UNC45B: variants seen among roughly 807,000 people sequenced by gnomAD.
UNC45B encodes the protein protein unc-45 homolog B.
Under a neutral mutation model 98.7 loss-of-function variants are expected in UNC45B, and 78 were observed. The observed-to-expected ratio is 0.79, with a 90% CI of 0.66 to 0.95. The LOEUF is 0.95. UNC45B is among the 40% of genes least tolerant of loss of function. UNC45B has a pLI of 0.00. For missense variants in UNC45B, 1,225 were observed against 1,184.9 expected (o/e 1.03, Z -0.50); for synonymous variants, 462 against 480.4 (o/e 0.96, Z 0.50).
Position 35,168,051 on chromosome 17 carries a change from T to C in UNC45B, c.1152-10T>C. 2.0e-6 allele frequency: 3 copies of C among 1,480,108 alleles called. No individual in the cohort carries two copies. Among genetic ancestry groups the C allele is most frequent in the Non-Finnish European group, 9.0e-7 (1 of 1,110,240 alleles). The allele number at this position is 1,480,108 out of a possible 1,614,324, so 91.7% of individuals were successfully genotyped here. ...CCAGTTCTCTTGACCACCCTTGTCC[T>C]TTGTTTTAGGGGCAAGTTTGACCCC... is the stretch of plus-strand genomic sequence containing the variant. On this transcript the variant is annotated splice_polypyrimidine_tract_variant and intron_variant, in intron 9 of 19. Transcript: ENST00000394570.
chr17:35,185,322 T>A (rs1351581560), intron 19 of UNC45B, among the ~76,000 whole-genome samples: 1 of 152,056 alleles, frequency 6.6e-6, no homozygotes, highest in Non-Finnish European at 1.5e-5. Context: ...TTTTATTTTT[T>A]TTTGAGACAC....
At position 35,183,456 on chromosome 17, in the gene UNC45B, T is replaced by C; in HGVS notation, c.2403T>C (p.Asn801=). 1 of 1,598,292 alleles carries C rather than the reference T, an allele frequency of 6.3e-7. No individual in the cohort carries two copies. The highest frequency in any genetic ancestry group is 8.5e-7 in the Non-Finnish European group (1 of 1,172,110). Residue 801 remains asparagine (N), a synonymous_variant, in exon 19 of 20, where the codon AAT becomes AAC. Coordinates refer to ENST00000394570, the MANE Select transcript of UNC45B (RefSeq NM_001267052.2). ...EVQERFLADG[N]DRLKLVVLLC... Reference sequence around the variant, plus strand: ...AGGAAAGGTTCTTGGCTGACGGGAATGACCGGCTGAAGCTGGTGGTGCTGC... The same window carrying C: ...AGGAAAGGTTCTTGGCTGACGGGAACGACCGGCTGAAGCTGGTGGTGCTGC...
chr17:35,186,234 C>A, intron 19 of UNC45B, 65 bp from the exon 20 acceptor site: 1 of 1,579,754 alleles, frequency 6.3e-7, no homozygotes, highest in Non-Finnish European at 8.6e-7. Flanking sequence ...ACCACATTTC[C>A]AACACATGAA....
At chr17:35,165,556 C>T (rs529520454) in intron 9 of UNC45B, among the ~76,000 whole-genome samples, 1 of 152,274 alleles carries the variant, frequency 6.6e-6, no homozygotes, top group East Asian at 1.9e-4. Flanking sequence ...GGTCAACAAA[C>T]TTTTTCTATG....
At position 35,150,231 on chromosome 17, in the gene UNC45B, G is replaced by T. The variant is rs1320437260; in HGVS notation, c.381+8G>T. ...ACCAGCATTCAGGAGAAGGTGAGCT[G>T]GGCCTCTTCCCACAACCCTTGGCTG... On this transcript the variant is annotated splice_region_variant and intron_variant, in intron 4 of 19. Transcript: ENST00000394570. The T allele has an allele frequency of 6.2e-7, 1 of 1,602,968 alleles. No individual in the cohort carries two copies. The highest frequency in any genetic ancestry group is 1.3e-5 in the African/African-American group (1 of 74,712).
rs752295484 is a variant in UNC45B, at chr17:35,189,210, C to T, written c.*2651C>T. The T allele has an allele frequency of 3.9e-5, 6 of 152,066 alleles. No homozygotes were observed. Among genetic ancestry groups the T allele is most frequent in the African/African-American group, 7.2e-5 (3 of 41,392 alleles). The allele number at this position is 152,066 out of a possible 1,614,324, so 9.4% of individuals were successfully genotyped here. A position where few individuals can be genotyped will look rare whatever the true frequency, so the allele number is the denominator to read the frequency against. On this transcript the variant is annotated 3_prime_UTR_variant, in exon 20 of 20. Transcript: ENST00000394570. ...AGAACTTGGTCTGTGTCATATTAAT[C>T]CTTTGCCATTTGAGAAGCATACAGT... is the stretch of plus-strand genomic sequence containing the variant.
intron 7 of UNC45B, 116 bp from the exon 8 acceptor site, chr17:35,159,259 T>G (rs918567997): frequency 1.7e-5 from 17 of 985,056 alleles, no homozygotes; most frequent in Admixed American, 1.4e-4. Flanking sequence ...GGAATTCACA[T>G]ATTCAGGAAG....
rs56300196 is a variant in UNC45B at position 35,180,253 on chromosome 17, T to TGAGAGAGAGAGAGAGAGA, written c.2256-287_2256-270dup. Reference sequence around the variant, plus strand: ...CATCTTCTTGGATCTACATCCAGGATGAGAGAGAGAGAGAGAGAGAGAGAG... The same window carrying TGAGAGAGAGAGAGAGAGA: ...CATCTTCTTGGATCTACATCCAGGATGAGAGAGAGAGAGAGAGAGAGAGAGAGAGAGAGAGAGAGAGAG... On this transcript the variant is annotated intron_variant, in intron 17 of 19. Transcript: ENST00000394570. Among the ~76,000 whole-genome samples, 209 of 139,946 alleles carry TGAGAGAGAGAGAGAGAGA rather than the reference T, an allele frequency of 1.5e-3. 12 individuals are homozygous for TGAGAGAGAGAGAGAGAGA. The East Asian group carries it at 0.029, about 19-fold the overall frequency. 91.8% of individuals were successfully genotyped at this position (139,946 alleles called of 152,430 possible). A position where few individuals can be genotyped will look rare whatever the true frequency, so the allele number is the denominator to read the frequency against.
At chr17:35,157,237 ATATTTATT>A (rs1178682745) in intron 7 of UNC45B, among the ~76,000 whole-genome samples, 1 of 151,476 alleles carries the variant, frequency 6.6e-6, no homozygotes, top group Non-Finnish European at 1.5e-5. Flanking sequence ...TTATTTATTT[ATATTTATT>A]TATTTATTTA....
intron 8 of UNC45B, among the ~76,000 whole-genome samples, chr17:35,160,821 C>T (rs1012087107): frequency 3.3e-5 from 5 of 152,230 alleles, no homozygotes; most frequent in African/African-American, 9.6e-5. Flanking sequence ...CCTCAATCAA[C>T]TTCTTTGATT....
chr17:35,176,340 G>A (rs1310535512), intron 15 of UNC45B, among the ~76,000 whole-genome samples: 3 of 152,068 alleles, frequency 2.0e-5, no homozygotes, highest in African/African-American at 7.2e-5. Flanking sequence ...ATAACCTCAG[G>A]CAAAATACTT....
intron 13 of UNC45B, among the ~76,000 whole-genome samples, chr17:35,171,919 A>G (rs935443564): frequency 6.6e-6 from 1 of 152,212 alleles, no homozygotes; most frequent in African/African-American, 2.4e-5. Context: ...TTCCCTGCAC[A>G]TGAAGATATG....
intron 10 of UNC45B, among the ~76,000 whole-genome samples, chr17:35,169,434 A>G (rs1334749340): frequency 1.3e-5 from 2 of 152,226 alleles, no homozygotes; most frequent in Non-Finnish European, 2.9e-5. Context: ...TTCTCTGGGT[A>G]AAATTTTGCA....
chr17:35,165,089 C>T (rs1309413518), intron 9 of UNC45B, among the ~76,000 whole-genome samples: 1 of 152,078 alleles, frequency 6.6e-6, no homozygotes, highest in East Asian at 1.9e-4. Context: ...GTATTGAACT[C>T]CCAAGCTCAA....
At chr17:35,152,858 C>T (rs368980410) in intron 4 of UNC45B, 35 bp from the exon 5 acceptor site, 310 of 1,562,448 alleles carry the variant, frequency 2.0e-4, no homozygotes, top group Non-Finnish European at 2.6e-4. Context: ...GTGGACCCCA[C>T]CTGCCTCCTT....
intron 15 of UNC45B, 94 bp from the exon 16 acceptor site, chr17:35,176,922 TC>T: frequency 1.1e-6 from 1 of 924,108 alleles, no homozygotes; most frequent in Non-Finnish European, 1.7e-6. Flanking sequence ...TTCCTGGACC[TC>T]CCATGGGACA....
chr17:35,177,571 T>C lies in UNC45B; in HGVS notation c.2216T>C (p.Leu739Pro). 1 of 1,560,204 alleles carries C rather than the reference T, an allele frequency of 6.4e-7. No individual in the cohort carries two copies. The highest frequency in any genetic ancestry group is 8.7e-7 in the Non-Finnish European group (1 of 1,151,190). ...RDGLQNYEAL[L>P]GLTNLSGRSD... Reference sequence around the variant, plus strand: ...GGGCTTCAGAACTATGAGGCTCTCCTAGGCCTCACCAACCTGTCTGGGCGG... The same window carrying C: ...GGGCTTCAGAACTATGAGGCTCTCCCAGGCCTCACCAACCTGTCTGGGCGG... The change falls in exon 17 of 20, where the codon CTA becomes CCA. Residue 739 changes from leucine to proline, a missense_variant. Transcript: ENST00000394570.
At chr17:35,180,706 G>T in intron 18 of UNC45B, 30 bp downstream of exon 18, 1 of 1,589,336 alleles carries the variant, frequency 6.3e-7, no homozygotes, top group South Asian at 1.1e-5. Context: ...TGGAGACCCG[G>T]GCGTGATCAA....
chr17:35,182,462 C>T (rs1455037716), intron 18 of UNC45B, among the ~76,000 whole-genome samples: 1 of 152,122 alleles, frequency 6.6e-6, no homozygotes, highest in Non-Finnish European at 1.5e-5. Context: ...TCCTCTGCCA[C>T]ACTGGGAGTG....
Sources: gnomAD v4.1 joint callset for allele counts (sites outside exome capture counted in the v4.1 genomes callset) on GRCh38, gnomAD v4.1.1 for gene constraint, MANE v1.5 for transcripts, NCBI Gene and HGNC (gene_info 2026-07-23, HGNC 2026-07-21) for gene names.